LIN9: variants seen among roughly 807,000 people sequenced by gnomAD.
The protein encoded by LIN9 is lin-9 DREAM MuvB core complex component.
A neutral mutation model predicts 78.0 loss-of-function variants in LIN9; 18 were observed. The ratio of observed to expected loss-of-function variants is 0.23; its 90% confidence interval spans 0.16 to 0.34. The LOEUF is 0.34. LIN9 is among the 10% of genes least tolerant of loss of function. The probability of loss-of-function intolerance (pLI) is 1.00; values close to 1 mark genes in which losing one functional copy is unlikely to be tolerated. For missense variants in LIN9, 451 were observed against 644.1 expected (o/e 0.70, Z 3.25); for synonymous variants, 192 against 215.2 (o/e 0.89, Z 0.94).
At chr1:226,244,658 C>G (rs1312410287) in intron 11 of LIN9, among the ~76,000 whole-genome samples, 1 of 152,144 alleles carries the variant, frequency 6.6e-6, no homozygotes, top group Non-Finnish European at 1.5e-5. Flanking sequence ...TGGAAAATAT[C>G]AGATTTAGCA....
intron 3 of LIN9, among the ~76,000 whole-genome samples, chr1:226,296,577 T>G (rs1482991865): frequency 6.6e-6 from 1 of 152,142 alleles, no homozygotes; most frequent in Non-Finnish European, 1.5e-5. Context: ...GAGGTTTCAT[T>G]AATAGAGAGA....
intron 10 of LIN9, among the ~76,000 whole-genome samples, chr1:226,251,661 G>A (rs971831323): frequency 6.6e-6 from 1 of 152,162 alleles, no homozygotes; most frequent in South Asian, 2.1e-4. Context: ...CACACTCAGC[G>A]TCATAGCACT....
chr1:226,292,523 C>T (rs1661858158), intron 4 of LIN9, among the ~76,000 whole-genome samples: 1 of 152,152 alleles, frequency 6.6e-6, no homozygotes, highest in Admixed American at 6.6e-5. Context: ...GTGGTCTGAT[C>T]ATAGCTCACT....
chr1:226,261,253 C>T (rs1659568567), intron 10 of LIN9, among the ~76,000 whole-genome samples: 1 of 152,018 alleles, frequency 6.6e-6, no homozygotes, highest in South Asian at 2.1e-4. Flanking sequence ...TCTCTTATCA[C>T]TCTTTTCAAC....
At chr1:226,263,734 A>G (rs1373750011) in intron 10 of LIN9, among the ~76,000 whole-genome samples, 1 of 152,240 alleles carries the variant, frequency 6.6e-6, no homozygotes. Context: ...ATCTGCCTTG[A>G]GAAGCCAAAG....
intron 11 of LIN9, among the ~76,000 whole-genome samples, chr1:226,243,417 G>A (rs568524076): frequency 3.9e-5 from 6 of 152,096 alleles, no homozygotes; most frequent in Non-Finnish European, 8.8e-5. Context: ...GCCCTTGGCC[G>A]GGCATGGTGG....
At chr1:226,241,683 C>G (rs1658123002) in intron 11 of LIN9, among the ~76,000 whole-genome samples, 1 of 151,998 alleles carries the variant, frequency 6.6e-6, no homozygotes, top group Admixed American at 6.6e-5. Flanking sequence ...ACGGTGAAAC[C>G]CCGTCTCTAC....
rs1659327586 is a variant in LIN9 at position 226,258,198 on chromosome 1, AC to A, written c.1039-7280del. ...CAAAAACAAACAAACAAACAAACAA[AC>A]AAACAAACAAACAAAACAGGGCTAG... On this transcript the variant is annotated intron_variant, in intron 10 of 14. Coordinates refer to ENST00000681046, the MANE Select transcript of LIN9 (RefSeq NM_001366245.2). Among the ~76,000 whole-genome samples, 12 of 151,322 alleles carry A rather than the reference AC, an allele frequency of 7.9e-5. No homozygotes were observed. In the South Asian group the frequency reaches 2.3e-3, roughly 29 times the overall value.
intron 7 of LIN9, among the ~76,000 whole-genome samples, chr1:226,269,792 G>A (rs1443621763): frequency 6.6e-6 from 1 of 152,126 alleles, no homozygotes; most frequent in East Asian, 1.9e-4. Flanking sequence ...AAAAGTAAAA[G>A]CTAAGGATGA....
upstream of LIN9, chr1:226,309,724 C>G (rs1041292986): frequency 7.8e-7 from 1 of 1,287,926 alleles, no homozygotes; most frequent in East Asian, 5.6e-5. Context: ...GTCCGGGACT[C>G]GGTCCCAGCG....
chr1:226,257,969 G>A (rs1339919476), intron 10 of LIN9, among the ~76,000 whole-genome samples: 3 of 151,914 alleles, frequency 2.0e-5, no homozygotes, highest in Non-Finnish European at 2.9e-5. Context: ...CCCATCGCTT[G>A]AGCCAAGGAG....
intron 7 of LIN9, among the ~76,000 whole-genome samples, chr1:226,269,853 A>C (rs970426522): frequency 6.6e-6 from 1 of 152,162 alleles, no homozygotes; most frequent in African/African-American, 2.4e-5. Flanking sequence ...TCACATATAA[A>C]TCAATGTGAG....
chr1:226,250,770 T>C, intron 11 of LIN9, 69 bp downstream of exon 11: 1 of 761,138 alleles, frequency 1.3e-6, no homozygotes. Context: ...TTTAAATCAT[T>C]AGATATAGAT....
chr1:226,299,844 GT>G (rs1476692330), intron 2 of LIN9, among the ~76,000 whole-genome samples: 1 of 151,808 alleles, frequency 6.6e-6, no homozygotes, highest in Non-Finnish European at 1.5e-5. Context: ...CAAGGAACAT[GT>G]CAAACTTTTT....
rs1262303075 is a variant in LIN9 at position 226,289,835 on chromosome 1, GGGGGGGGGGGT to G, written c.265-2049_265-2039del. Among the ~76,000 whole-genome samples, 9 of 23,340 alleles carry G rather than the reference GGGGGGGGGGGT, an allele frequency of 3.9e-4. 1 individual carries two copies. In the East Asian group the frequency reaches 0.011, roughly 28 times the overall value. The allele number at this position is 23,340 out of a possible 152,430, so 15.3% of individuals were successfully genotyped here. A position where few individuals can be genotyped will look rare whatever the true frequency, so the allele number is the denominator to read the frequency against. ...TACTAGGACAACTAAGTAGTCCTCCGGGGGGGGGGGTGGGGGGGGGTGGGAAAGCTAGGTTG... is the reference window on the plus strand; with the variant it reads ...TACTAGGACAACTAAGTAGTCCTCCGGGGGGGGGGTGGGAAAGCTAGGTTG... On this transcript the variant is annotated intron_variant, in intron 4 of 14. Coordinates refer to ENST00000681046, the MANE Select transcript of LIN9 (RefSeq NM_001366245.2).
intron 4 of LIN9, 71 bp downstream of exon 4, chr1:226,295,771 A>AT: frequency 1.1e-6 from 1 of 900,688 alleles, no homozygotes. Flanking sequence ...TGTAACAGAA[A>AT]TATAAACTTT....
intron 11 of LIN9, among the ~76,000 whole-genome samples, chr1:226,239,433 CGTAT>C (rs1657958615): frequency 6.6e-6 from 1 of 152,082 alleles, no homozygotes; most frequent in Non-Finnish European, 1.5e-5. Flanking sequence ...GTTGTTAAAC[CGTAT>C]GTCCTCATTT....
intron 1 of LIN9, among the ~76,000 whole-genome samples, chr1:226,303,581 C>A (rs1416716983): frequency 9.2e-5 from 14 of 152,008 alleles, no homozygotes; most frequent in Non-Finnish European, 1.6e-4. Flanking sequence ...TCACCTTTAA[C>A]CTTTTTTTTC....
chr1:226,308,015 T>C (rs976655360), intron 1 of LIN9, among the ~76,000 whole-genome samples: 1 of 152,228 alleles, frequency 6.6e-6, no homozygotes, highest in African/African-American at 2.4e-5. Context: ...TAAGAACACA[T>C]GACCTCACAA....
Sources: gnomAD v4.1 joint callset for allele counts (sites outside exome capture counted in the v4.1 genomes callset) on GRCh38, gnomAD v4.1.1 for gene constraint, MANE v1.5 for transcripts, NCBI Gene and HGNC (gene_info 2026-07-23, HGNC 2026-07-21) for gene names.